TPO: variants seen among roughly 807,000 people sequenced by gnomAD.
TPO encodes the protein thyroid microsomal antigen.
TPO carries 78 observed loss-of-function variants against 96.9 expected under a neutral mutation model. That is an observed-to-expected ratio of 0.81 (90% confidence interval 0.67 to 0.97). TPO has a LOEUF of 0.97. TPO is among the 50% of genes least tolerant of loss of function. TPO has a pLI of 0.00. For missense variants in TPO, 1,252 were observed against 1,274.8 expected (o/e 0.98, Z 0.27); for synonymous variants, 547 against 538.0 (o/e 1.02, Z -0.23).
chr2:1,484,812 C>G lies in TPO; in HGVS notation c.1555C>G (p.Leu519Val), dbSNP rs1427788778. Reference protein sequence around the residue: ...QEHPDLPGLWLHQAFFSPWTL... With the variant: ...QEHPDLPGLWVHQAFFSPWTL... ...GCACCCCGACCTGCCCGGGCTGTGGCTGCACCAGGCTTTCTTCAGCCCATG... is the reference window on the plus strand; with the variant it reads ...GCACCCCGACCTGCCCGGGCTGTGGGTGCACCAGGCTTTCTTCAGCCCATG... Residue 519 changes from leucine (L) to valine (V), a missense_variant, in exon 9 of 17, where the codon CTG (leucine) becomes GTG (valine). Coordinates refer to ENST00000329066, the MANE Select transcript of TPO (RefSeq NM_001206744.2). 1 of 1,614,070 alleles carries G rather than the reference C, an allele frequency of 6.2e-7. No homozygotes were observed. The highest frequency in any genetic ancestry group is 1.1e-5 in the South Asian group (1 of 91,088).
intron 2 of TPO, among the ~76,000 whole-genome samples, chr2:1,415,994 G>A (rs1293478224): frequency 3.9e-5 from 6 of 152,110 alleles, no homozygotes; most frequent in East Asian, 1.9e-4. Context: ...CAGGGAAGCC[G>A]TGGGGCCTCT....
intron 10 of TPO, among the ~76,000 whole-genome samples, chr2:1,489,981 G>C (rs1671588504): frequency 8.8e-6 from 1 of 113,372 alleles, no homozygotes; most frequent in South Asian, 3.0e-4. Flanking sequence ...GTCCCACACA[G>C]GGGGAGTCAC....
chr2:1,527,008 C>A (rs1676699960), intron 15 of TPO, among the ~76,000 whole-genome samples: 14 of 137,462 alleles, frequency 1.0e-4, no homozygotes, highest in East Asian at 2.3e-4. Flanking sequence ...TCCTCAAATC[C>A]CCCCCACTGT....
At chr2:1,461,536 C>T (rs992404698) in intron 7 of TPO, among the ~76,000 whole-genome samples, 2 of 152,230 alleles carry the variant, frequency 1.3e-5, no homozygotes, top group Admixed American at 1.3e-4. Context: ...CAGAAGAACC[C>T]GAGTGGGAGT....
At chr2:1,386,280 T>C (rs962493777) in intron 1 of TPO, among the ~76,000 whole-genome samples, 2 of 152,222 alleles carry the variant, frequency 1.3e-5, no homozygotes. Context: ...GTTAACTTTC[T>C]GTCTCATTGA....
chr2:1,532,483 A>G (rs1573615642), intron 15 of TPO, among the ~76,000 whole-genome samples: 1 of 69,118 alleles, frequency 1.4e-5, no homozygotes, highest in East Asian at 4.4e-4. Context: ...AATCCCCCCC[A>G]CAGTGCAAAA....
chr2:1,376,270 T>G (rs943969414), intron 1 of TPO, among the ~76,000 whole-genome samples: 5 of 152,208 alleles, frequency 3.3e-5, no homozygotes, highest in Non-Finnish European at 5.9e-5. Flanking sequence ...TCTGTCTTTA[T>G]TCCTTTCCAG....
intron 9 of TPO, among the ~76,000 whole-genome samples, chr2:1,485,731 C>T (rs149589635): frequency 0.01 from 1,525 of 150,958 alleles, 38 homozygotes; most frequent in African/African-American, 0.035. Context: ...TCATATCCTT[C>T]GCCCACTTTT....
intron 5 of TPO, among the ~76,000 whole-genome samples, chr2:1,442,972 A>G (rs1666338290): frequency 6.6e-6 from 1 of 152,234 alleles, no homozygotes; most frequent in Non-Finnish European, 1.5e-5. Context: ...ACTTTGGCTC[A>G]CGCCTGTAAA....
intron 16 of TPO, 102 bp downstream of exon 16, chr2:1,540,825 T>A (rs1156433648): frequency 6.3e-7 from 1 of 1,596,974 alleles, no homozygotes; most frequent in South Asian, 1.1e-5. Context: ...TATTTCTGTT[T>A]ACTCCGTGTT....
chr2:1,404,887 A>G (rs989527885), intron 1 of TPO, among the ~76,000 whole-genome samples: 1 of 152,212 alleles, frequency 6.6e-6, no homozygotes, highest in Non-Finnish European at 1.5e-5. Flanking sequence ...TTTCAAGATT[A>G]ATTTTATAGC....
intron 1 of TPO, among the ~76,000 whole-genome samples, chr2:1,389,490 G>C (rs1483352851): frequency 6.6e-6 from 1 of 151,760 alleles, no homozygotes; most frequent in African/African-American, 2.4e-5. Flanking sequence ...ATGTAACATG[G>C]GAAAAATAAC....
intron 14 of TPO, 71 bp downstream of exon 14, chr2:1,504,150 A>G (rs1673171478): frequency 1.2e-6 from 2 of 1,605,216 alleles, no homozygotes; most frequent in Admixed American, 3.3e-5. Context: ...AGTGTGTTCA[A>G]GTTAGGCAAC....
At position 1,480,853 on chromosome 2, in the gene TPO, C is replaced by A. The variant is rs563163007; in HGVS notation, c.1338+3249C>A. Among the ~76,000 whole-genome samples the A allele has an allele frequency of 7.4e-4, 86 of 115,626 alleles. 3 individuals are homozygous for A. The highest frequency in any genetic ancestry group is 8.9e-4 in the Non-Finnish European group (45 of 50,360). The allele number at this position is 115,626 out of a possible 152,430, so 75.9% of individuals were successfully genotyped here. ...GCTGCTGCGTCTGTCCTCACCATAC[C>A]CACTCTAATTTGTCAGGGCCCAACC... On this transcript the variant is annotated intron_variant, in intron 8 of 16. Transcript: ENST00000329066.
intron 8 of TPO, among the ~76,000 whole-genome samples, chr2:1,480,759 A>G (rs549413779): frequency 2.3e-3 from 347 of 151,828 alleles, no homozygotes; most frequent in Middle Eastern, 6.8e-3. Flanking sequence ...ATCCGTCCAC[A>G]CCACCTCCCT....
chr2:1,388,695 C>G lies in TPO; in HGVS notation n.180+14293C>G, dbSNP rs557179322. ...ATGCCTCGCCCTGCTTTGGCTCACA[C>G]TCGGTGTGCTGCATGCACTGTCCTG... On this transcript the variant is annotated intron_variant and non_coding_transcript_variant, in intron 1 of 5. Coordinates refer to the TPO transcript ENST00000497517. Among the ~76,000 whole-genome samples, 109 of 152,310 alleles carry G rather than the reference C, an allele frequency of 7.2e-4. 1 individual carries two copies. Among genetic ancestry groups the G allele is most frequent in the African/African-American group, 2.6e-3 (109 of 41,570 alleles).
At chr2:1,438,421 A>G (rs1373355975) in intron 5 of TPO, among the ~76,000 whole-genome samples, 1 of 152,140 alleles carries the variant, frequency 6.6e-6, no homozygotes, top group African/African-American at 2.4e-5. Context: ...GGGGTCCGTG[A>G]TGGAGCTCCT....
At chr2:1,430,998 G>A (rs1664921379) in intron 3 of TPO, among the ~76,000 whole-genome samples, 1 of 152,324 alleles carries the variant, frequency 6.6e-6, no homozygotes, top group African/African-American at 2.4e-5. Flanking sequence ...TTGGGGGACT[G>A]TTGCGAATGC....
chr2:1,524,097 T>C (rs1387206651), intron 15 of TPO, among the ~76,000 whole-genome samples: 8 of 100,700 alleles, frequency 7.9e-5, no homozygotes, highest in African/African-American at 3.2e-4. Context: ...CCTCACCAAA[T>C]TCCCCCCACT....
Sources: gnomAD v4.1 joint callset for allele counts (sites outside exome capture counted in the v4.1 genomes callset) on GRCh38, gnomAD v4.1.1 for gene constraint, MANE v1.5 for transcripts, NCBI Gene and HGNC (gene_info 2026-07-23, HGNC 2026-07-21) for gene names.